Variants in CDH9 observed in about 807,000 individuals in gnomAD.
CDH9 encodes cadherin-9.
Under a neutral mutation model 70.9 loss-of-function variants are expected in CDH9, and 28 were observed. The ratio of observed to expected loss-of-function variants is 0.40; its 90% confidence interval spans 0.29 to 0.54. CDH9 has a LOEUF of 0.54. CDH9 is among the 20% of genes least tolerant of loss of function. The pLI is 0.59. For synonymous variants in CDH9, 409 were observed against 343.1 expected (o/e 1.19, Z -2.12); for missense variants, 874 against 984.4 (o/e 0.89, Z 1.50).
intron 2 of CDH9, among the ~76,000 whole-genome samples, chr5:26,953,973 A>G (rs191930943): frequency 0.027 from 3,661 of 134,282 alleles, 53 homozygotes; most frequent in Non-Finnish European, 0.046. Context: ...TAGATCAAAA[A>G]AATAAATAAG....
At chr5:27,001,417 T>G (rs1742765895) in intron 1 of CDH9, among the ~76,000 whole-genome samples, 3 of 152,078 alleles carry the variant, frequency 2.0e-5, no homozygotes, top group Admixed American at 2.0e-4. Flanking sequence ...ATTAAGTAAG[T>G]AGTTGGCAGA....
chr5:26,927,034 A>G (rs887871041), intron 2 of CDH9, among the ~76,000 whole-genome samples: 1 of 151,880 alleles, frequency 6.6e-6, no homozygotes, highest in Non-Finnish European at 1.5e-5. Flanking sequence ...ATTCAATAAC[A>G]GATTAAAAAG....
chr5:26,973,787 A>G (rs1742260256), intron 2 of CDH9, among the ~76,000 whole-genome samples: 1 of 152,176 alleles, frequency 6.6e-6, no homozygotes, highest in Non-Finnish European at 1.5e-5. Context: ...AGTGTTTACA[A>G]TGCCTTTTTA....
chr5:27,001,838 A>ACTCT (rs1186197846), intron 1 of CDH9, among the ~76,000 whole-genome samples: 1 of 123,170 alleles, frequency 8.1e-6, no homozygotes, highest in African/African-American at 3.8e-5. Flanking sequence ...ATACACACAC[A>ACTCT]CACACACTCT....
chr5:26,908,431 G>T (rs768480281), intron 3 of CDH9, among the ~76,000 whole-genome samples: 5 of 151,930 alleles, frequency 3.3e-5, no homozygotes, highest in Non-Finnish European at 7.4e-5. Flanking sequence ...GGAGGTTATT[G>T]AAATATGAAT....
chr5:26,882,672 T>G (rs10076532), intron 11 of CDH9, among the ~76,000 whole-genome samples: 39 of 152,134 alleles, frequency 2.6e-4, no homozygotes, highest in Middle Eastern at 3.4e-3. Context: ...CAAAACACAC[T>G]TCAGCATTAC....
chr5:27,020,788 G>T, intron 1 of CDH9, among the ~76,000 whole-genome samples: 1 of 150,990 alleles, frequency 6.6e-6, no homozygotes, highest in Middle Eastern at 3.4e-3. Flanking sequence ...TACATTTTAA[G>T]GTTATTCTTG....
intron 2 of CDH9, among the ~76,000 whole-genome samples, chr5:26,927,091 G>A (rs952558464): frequency 1.3e-5 from 2 of 151,898 alleles, no homozygotes; most frequent in African/African-American, 4.8e-5. Flanking sequence ...ATGCAAGGAT[G>A]GTTCAGCACA....
chr5:27,023,826 C>T (rs1042783544), intron 1 of CDH9, among the ~76,000 whole-genome samples: 2 of 151,708 alleles, frequency 1.3e-5, no homozygotes, highest in African/African-American at 2.4e-5. Flanking sequence ...CTGAGGCCAG[C>T]GGATCACCTG....
rs529058593 is a variant in CDH9 at position 26,984,526 on chromosome 5, T to C, written c.228+3580A>G. ...TCAATTCTCATTACTAATTGGGATATAGTTAATTGATTATTGATCCATGAT... is the reference window on the plus strand; with the variant it reads ...TCAATTCTCATTACTAATTGGGATACAGTTAATTGATTATTGATCCATGAT... On this transcript the variant is annotated intron_variant, in intron 2 of 11. Transcript: ENST00000231021. Among the ~76,000 whole-genome samples, 6 of 152,282 alleles carry C rather than the reference T, an allele frequency of 3.9e-5. No individual in the cohort carries two copies. The East Asian group carries it at 9.6e-4, about 24-fold the overall frequency.
At chr5:27,001,321 C>G (rs998988943) in intron 1 of CDH9, among the ~76,000 whole-genome samples, 30 of 152,094 alleles carry the variant, frequency 2.0e-4, no homozygotes, top group African/African-American at 7.0e-4. Context: ...CACAGAGGCA[C>G]TGGACTCTAG....
At chr5:26,940,382 G>C (rs1741639198) in intron 2 of CDH9, among the ~76,000 whole-genome samples, 2 of 152,028 alleles carry the variant, frequency 1.3e-5, no homozygotes. Flanking sequence ...AGTTAAAAAG[G>C]AGCTATCTAT....
chr5:26,970,322 C>A (rs903607925), intron 2 of CDH9, among the ~76,000 whole-genome samples: 2 of 151,540 alleles, frequency 1.3e-5, no homozygotes, highest in Admixed American at 1.3e-4. Flanking sequence ...CTGATCAATT[C>A]TTTTTTCAAG....
intron 9 of CDH9, among the ~76,000 whole-genome samples, chr5:26,887,153 A>G (rs1246891390): frequency 2.0e-5 from 3 of 152,224 alleles, no homozygotes; most frequent in African/African-American, 7.2e-5. Flanking sequence ...ATTTTTAATA[A>G]AGTGCTTTTG....
At chr5:26,995,156 A>G (rs1742645969) in intron 1 of CDH9, among the ~76,000 whole-genome samples, 1 of 152,232 alleles carries the variant, frequency 6.6e-6, no homozygotes, top group Non-Finnish European at 1.5e-5. Context: ...TGTCTTGCAT[A>G]AAAGTTATTG....
intron 1 of CDH9, among the ~76,000 whole-genome samples, chr5:27,016,040 A>C (rs1349799304): frequency 6.6e-6 from 1 of 151,824 alleles, no homozygotes; most frequent in East Asian, 1.9e-4. Context: ...TATTAGTGAG[A>C]TAATCTATCC....
intron 4 of CDH9, 65 bp downstream of exon 4, chr5:26,906,654 T>C: frequency 6.5e-7 from 1 of 1,541,226 alleles, no homozygotes; most frequent in Non-Finnish European, 8.8e-7. Context: ...TTTAAAAATC[T>C]CTAAATTAAT....
At chr5:26,954,606 A>T (rs886862632) in intron 2 of CDH9, among the ~76,000 whole-genome samples, 1 of 151,712 alleles carries the variant, frequency 6.6e-6, no homozygotes, top group Non-Finnish European at 1.5e-5. Flanking sequence ...GGATGGTCTC[A>T]ATCTCCTGAC....
At chr5:26,918,360 C>G (rs1741183303) in intron 2 of CDH9, among the ~76,000 whole-genome samples, 1 of 152,188 alleles carries the variant, frequency 6.6e-6, no homozygotes, top group Non-Finnish European at 1.5e-5. Context: ...TTACATAGCA[C>G]ACTTCATTCC....
Sources: gnomAD v4.1 joint callset for allele counts (sites outside exome capture counted in the v4.1 genomes callset) on GRCh38, gnomAD v4.1.1 for gene constraint, MANE v1.5 for transcripts, NCBI Gene and HGNC (gene_info 2026-07-23, HGNC 2026-07-21) for gene names.